FRS2: variants seen among roughly 807,000 people sequenced by gnomAD.
FRS2 encodes FGFR signalling adaptor.
Under a neutral mutation model 43.9 loss-of-function variants are expected in FRS2, and 8 were observed. The observed-to-expected ratio is 0.18, with a 90% CI of 0.11 to 0.33. The LOEUF is 0.33. FRS2 is among the 10% of genes least tolerant of loss of function. FRS2 has a pLI of 1.00. For synonymous variants in FRS2, 219 were observed against 220.3 expected (o/e 0.99, Z 0.05); for missense variants, 534 against 627.6 (o/e 0.85, Z 1.59).
rs905195654 is a variant in FRS2 at position 69,578,516 on chromosome 12, G to A, written c.*3561G>A. The A allele has an allele frequency of 3.3e-5, 5 of 152,228 alleles. No individual in the cohort carries two copies. The highest frequency in any genetic ancestry group is 6.6e-5 in the Admixed American group (1 of 15,250). 9.4% of individuals were successfully genotyped at this position (152,228 alleles called of 1,614,324 possible). A position where few individuals can be genotyped will look rare whatever the true frequency, so the allele number is the denominator to read the frequency against. On this transcript the variant is annotated 3_prime_UTR_variant, in exon 9 of 9. Coordinates refer to ENST00000549921, the MANE Select transcript of FRS2 (RefSeq NM_001278356.2). ...CCCCATCCCTACTTCCTCATTTTTG[G>A]TATAACACAGTTCTTTTGTAGCATC...
chr12:69,525,507 A>G (rs937803850), intron 1 of FRS2, among the ~76,000 whole-genome samples: 1 of 152,208 alleles, frequency 6.6e-6, no homozygotes, highest in Non-Finnish European at 1.5e-5. Flanking sequence ...AGACCTTCCC[A>G]TTATCTTTAT....
At chr12:69,485,461 C>T (rs1871837998) in intron 1 of FRS2, among the ~76,000 whole-genome samples, 1 of 151,816 alleles carries the variant, frequency 6.6e-6, no homozygotes, top group Admixed American at 6.6e-5. Context: ...GGATTACAGG[C>T]GTGAGCCACC....
intron 1 of FRS2, among the ~76,000 whole-genome samples, chr12:69,528,912 G>C (rs936714592): frequency 2.0e-5 from 3 of 152,204 alleles, no homozygotes; most frequent in Non-Finnish European, 4.4e-5. Context: ...AGATCCTGAA[G>C]TGAGAAGGTG....
intron 1 of FRS2, among the ~76,000 whole-genome samples, chr12:69,490,880 T>C (rs1872417523): frequency 1.3e-5 from 2 of 152,204 alleles, no homozygotes; most frequent in Admixed American, 1.3e-4. Context: ...GTAGAACTAT[T>C]TATGGATTAG....
At chr12:69,555,802 T>C (rs1027454887) in intron 3 of FRS2, among the ~76,000 whole-genome samples, 1 of 152,114 alleles carries the variant, frequency 6.6e-6, no homozygotes, top group African/African-American at 2.4e-5. Context: ...TCGGGTGTGT[T>C]AGATTGTAAC....
Position 69,538,309 on chromosome 12 carries a change from C to T in FRS2, c.-122+6253C>T, listed in dbSNP as rs984436178. ...GAGCCAGTCTGGACATCTAACCTAC[C>T]ATGTTGCTAGAAATAGAATTCCTTG... On this transcript the variant is annotated intron_variant, in intron 3 of 8. Transcript: ENST00000549921. Among the ~76,000 whole-genome samples the T allele has an allele frequency of 1.5e-4, 22 of 147,612 alleles. 1 individual carries two copies. The South Asian group carries it at 3.6e-3, about 24-fold the overall frequency.
chr12:69,573,953 C>G lies in FRS2; in HGVS notation c.577-52C>G, dbSNP rs563375855. On this transcript the variant is annotated intron_variant, in intron 8 of 8. Transcript: ENST00000549921. ...TAACTGATGTGGTCAGGCTTTTTTT[C>G]AGTTTTGTTTTTTTAAGTAAGTTAA... is the stretch of plus-strand genomic sequence containing the variant. The G allele has an allele frequency of 4.1e-6, 5 of 1,230,702 alleles. No individual in the cohort carries two copies. The African/African-American group carries it at 7.5e-5, about 19-fold the overall frequency. 76.2% of individuals were successfully genotyped at this position (1,230,702 alleles called of 1,614,324 possible). A position where few individuals can be genotyped will look rare whatever the true frequency, so the allele number is the denominator to read the frequency against.
Position 69,576,177 on chromosome 12 carries a change from A to G in FRS2, c.*1222A>G, listed in dbSNP as rs1881178021. ...TGTGGGCACTCTTCCCCAGCACTTT[A>G]GCAGTAATTCCCCCAGCTACACGCT... On this transcript the variant is annotated 3_prime_UTR_variant, in exon 9 of 9. Coordinates refer to ENST00000549921, the MANE Select transcript of FRS2 (RefSeq NM_001278356.2). 6.6e-6 allele frequency: 1 copy of G among 152,460 alleles called. No individual in the cohort carries two copies. The highest frequency in any genetic ancestry group is 1.5e-5 in the Non-Finnish European group (1 of 68,056). 9.4% of individuals were successfully genotyped at this position (152,460 alleles called of 1,614,324 possible).
Position 69,560,273 on chromosome 12 carries a change from G to T in FRS2, c.-121-1907G>T, listed in dbSNP as rs377541427. On this transcript the variant is annotated intron_variant, in intron 3 of 8. Transcript: ENST00000549921. ...GTCTTTTAAAATGCTATTAATTTTC[G>T]AAATATCTTTATATCCAGAGTTTTT... Among the ~76,000 whole-genome samples the T allele has an allele frequency of 2.6e-5, 4 of 152,188 alleles. No individual in the cohort carries two copies. The East Asian group carries it at 5.8e-4, about 22-fold the overall frequency.
At chr12:69,554,625 C>T (rs1879185213) in intron 3 of FRS2, among the ~76,000 whole-genome samples, 1 of 152,184 alleles carries the variant, frequency 6.6e-6, no homozygotes, top group African/African-American at 2.4e-5. Context: ...AACTAAACTA[C>T]AGACTATTTA....
chr12:69,551,810 A>G (rs1878894896), intron 3 of FRS2, among the ~76,000 whole-genome samples: 1 of 152,214 alleles, frequency 6.6e-6, no homozygotes, highest in South Asian at 2.1e-4. Context: ...TAAAGAAAAG[A>G]TGGTCCAAAC....
intron 1 of FRS2, among the ~76,000 whole-genome samples, chr12:69,497,225 C>T (rs1316322081): frequency 6.6e-6 from 1 of 152,182 alleles, no homozygotes; most frequent in Admixed American, 6.5e-5. Context: ...GTAATAAGCG[C>T]TATGAAGAAA....
chr12:69,533,808 G>A (rs1306536476), intron 3 of FRS2, among the ~76,000 whole-genome samples: 1 of 152,192 alleles, frequency 6.6e-6, no homozygotes, highest in African/African-American at 2.4e-5. Context: ...TGTTTGTAGT[G>A]TGAAAATCAG....
At chr12:69,477,605 A>G (rs1870934041) in intron 1 of FRS2, among the ~76,000 whole-genome samples, 1 of 150,722 alleles carries the variant, frequency 6.6e-6, no homozygotes, top group African/African-American at 2.5e-5. Context: ...ACTAAAATTG[A>G]TGCTCCTAAG....
chr12:69,574,776 C>G lies in FRS2; in HGVS notation c.1348C>G (p.Pro450Ala). 1 of 1,614,120 alleles carries G rather than the reference C, an allele frequency of 6.2e-7. No individual in the cohort carries two copies. Among genetic ancestry groups the G allele is most frequent in the Non-Finnish European group, 8.5e-7 (1 of 1,180,024 alleles). ...DLEGGSDSDN[P>A]QTPKTPTTPL... Reference sequence around the variant, plus strand: ...GGAAGGTGGCAGTGACTCTGACAACCCTCAGACTCCAAAAACGCCTACAAC... The same window carrying G: ...GGAAGGTGGCAGTGACTCTGACAACGCTCAGACTCCAAAAACGCCTACAAC... The change falls in exon 9 of 9, where the codon CCT becomes GCT. Residue 450 changes from proline (P) to alanine (A), a missense_variant. Physicochemically the swap from Pro to Ala is conservative, Grantham distance 27 (BLOSUM62 -1). Coordinates refer to ENST00000549921, the MANE Select transcript of FRS2 (RefSeq NM_001278356.2).
chr12:69,527,535 A>G (rs527248648), intron 1 of FRS2, among the ~76,000 whole-genome samples: 3 of 151,896 alleles, frequency 2.0e-5, no homozygotes, highest in East Asian at 1.9e-4. Context: ...TTCCTATGGC[A>G]CAAATATGGG....
At chr12:69,532,954 A>G (rs193285922) in intron 3 of FRS2, among the ~76,000 whole-genome samples, 131 of 152,310 alleles carry the variant, frequency 8.6e-4, no homozygotes, top group African/African-American at 3.1e-3. Context: ...TTTGTATGGC[A>G]TAGTAATTTT....
chr12:69,481,958 A>G (rs1871381069), intron 1 of FRS2, among the ~76,000 whole-genome samples: 1 of 150,032 alleles, frequency 6.7e-6, no homozygotes, highest in South Asian at 2.1e-4. Flanking sequence ...TTTCCTTGTA[A>G]CAAGCAGTCT....
chr12:69,548,192 G>C (rs752023530), intron 3 of FRS2, among the ~76,000 whole-genome samples: 1 of 152,158 alleles, frequency 6.6e-6, no homozygotes, highest in Non-Finnish European at 1.5e-5. Context: ...TCTGGTTGCT[G>C]TGTTGATAAA....
Sources: allele counts gnomAD v4.1 joint callset (sites outside exome capture counted in the v4.1 genomes callset), GRCh38; gene constraint gnomAD v4.1.1; transcripts MANE v1.5; gene names NCBI Gene and HGNC (gene_info 2026-07-23, HGNC 2026-07-21).